The following DPP6 variants were observed in gnomAD, a reference collection of about 807,000 sequenced individuals.
The protein encoded by DPP6 is dipeptidyl peptidase like 6.
DPP6 carries 69 observed loss-of-function variants against 122.6 expected under a neutral mutation model. The ratio of observed to expected loss-of-function variants is 0.56; its 90% confidence interval spans 0.46 to 0.69. DPP6 has a LOEUF of 0.69. Ranked by LOEUF, DPP6 falls within the 30% of genes least tolerant of loss-of-function variation. The pLI is 0.00. For missense variants in DPP6, 928 were observed against 1,116.9 expected (o/e 0.83, Z 2.41); for synonymous variants, 418 against 433.1 (o/e 0.97, Z 0.43).
At chr7:154,779,038 CA>C (rs1796811699) in intron 10 of DPP6, among the ~76,000 whole-genome samples, 1 of 150,426 alleles carries the variant, frequency 6.6e-6, no homozygotes, top group Non-Finnish European at 1.5e-5. Context: ...CCACCACCAC[CA>C]CCACAACTAC....
chr7:154,509,720 C>G (rs1432003782), intron 3 of DPP6, among the ~76,000 whole-genome samples: 2 of 152,154 alleles, frequency 1.3e-5, no homozygotes, highest in Non-Finnish European at 2.9e-5. Flanking sequence ...GTGCAAACAA[C>G]CCAAATGTAC....
chr7:154,616,385 C>CA (rs1834257782), intron 5 of DPP6, among the ~76,000 whole-genome samples: 1 of 152,166 alleles, frequency 6.6e-6, no homozygotes, highest in African/African-American at 2.4e-5. Context: ...AAACAGCTCA[C>CA]AATTGTCCAT....
At chr7:154,650,606 C>T (rs1836813761) in intron 6 of DPP6, among the ~76,000 whole-genome samples, 1 of 152,148 alleles carries the variant, frequency 6.6e-6, no homozygotes, top group Admixed American at 6.5e-5. Context: ...GGAGAAGACA[C>T]AGTTGTTGAT....
At chr7:153,904,475 A>G (rs1799766118) in intron 1 of DPP6, among the ~76,000 whole-genome samples, 1 of 152,054 alleles carries the variant, frequency 6.6e-6, no homozygotes, top group Admixed American at 6.6e-5. Flanking sequence ...AATTCCTCCA[A>G]CTCTAATGAC....
At chr7:154,482,693 G>A (rs530267176) in intron 3 of DPP6, among the ~76,000 whole-genome samples, 2 of 152,250 alleles carry the variant, frequency 1.3e-5, no homozygotes, top group African/African-American at 4.8e-5. Context: ...CATCTTAATA[G>A]TATTTCACGA....
At chr7:154,819,251 C>T (rs982672991) in intron 16 of DPP6, among the ~76,000 whole-genome samples, 1 of 152,178 alleles carries the variant, frequency 6.6e-6, no homozygotes, top group Non-Finnish European at 1.5e-5. Context: ...CCTGTCTCTA[C>T]TAAAAATACA....
intron 3 of DPP6, among the ~76,000 whole-genome samples, chr7:154,511,873 T>C (rs1297774218): frequency 6.6e-6 from 1 of 152,250 alleles, no homozygotes; most frequent in Non-Finnish European, 1.5e-5. Context: ...TTTATCATGC[T>C]GTAAATGATC....
At chr7:154,086,975 T>C (rs980039982) in intron 1 of DPP6, among the ~76,000 whole-genome samples, 2 of 152,164 alleles carry the variant, frequency 1.3e-5, no homozygotes, top group Admixed American at 6.5e-5. Context: ...ATCTGAGGAC[T>C]GTTGTCAAAT....
the DPP6 span, among the ~76,000 whole-genome samples, chr7:153,769,403 T>TAGTGTTTCC: frequency 6.6e-6 from 1 of 152,196 alleles, no homozygotes; most frequent in South Asian, 2.1e-4. Flanking sequence ...TGTTAAACAG[T>TAGTGTTTCC]AGTGTTTCCA....
intron 1 of DPP6, among the ~76,000 whole-genome samples, chr7:154,141,183 C>G (rs571651456): frequency 2.6e-5 from 4 of 152,308 alleles, no homozygotes; most frequent in East Asian, 1.9e-4. Flanking sequence ...CAAGGATATT[C>G]AATTTTAGAA....
intron 8 of DPP6, among the ~76,000 whole-genome samples, chr7:154,768,439 G>A (rs888298301): frequency 2.6e-5 from 4 of 152,144 alleles, no homozygotes; most frequent in African/African-American, 7.2e-5. Context: ...CCTAATAATA[G>A]CGAGTTGAAT....
At chr7:154,710,632 A>G (rs1327978627) in intron 7 of DPP6, among the ~76,000 whole-genome samples, 2 of 152,248 alleles carry the variant, frequency 1.3e-5, no homozygotes, top group East Asian at 1.9e-4. Flanking sequence ...CTCACTTGCT[A>G]GCAGCCACTG....
At chr7:154,666,194 T>C (rs868194536) in intron 6 of DPP6, among the ~76,000 whole-genome samples, 18 of 119,026 alleles carry the variant, frequency 1.5e-4, no homozygotes, top group Admixed American at 1.0e-3. Context: ...TATATATATA[T>C]ATATATACAC....
intron 1 of DPP6, among the ~76,000 whole-genome samples, chr7:154,234,916 GCCTCCCTTCAGCCCCTCTT>G (rs1476382454): frequency 6.6e-6 from 1 of 152,138 alleles, no homozygotes; most frequent in African/African-American, 2.4e-5. Flanking sequence ...GGATCCCCGT[GCCTCCCTTCAGCCCCTCTT>G]CCAAAATCTT....
At chr7:153,761,749 G>A in the DPP6 span, among the ~76,000 whole-genome samples, 6 of 151,988 alleles carry the variant, frequency 3.9e-5, no homozygotes, top group Admixed American at 3.3e-4. Context: ...TTCAACCCAC[G>A]TTATCTATTA....
At chr7:154,432,634 T>A (rs562026740) in intron 1 of DPP6, among the ~76,000 whole-genome samples, 17 of 152,368 alleles carry the variant, frequency 1.1e-4, no homozygotes, top group African/African-American at 4.1e-4. Context: ...GATTTTATAA[T>A]GCATTGGGTT....
chr7:154,304,105 C>T lies in DPP6; in HGVS notation c.244-142109C>T, dbSNP rs115032068. Among the ~76,000 whole-genome samples, 222 of 152,220 alleles carry T rather than the reference C, an allele frequency of 1.5e-3. 1 individual carries two copies. The highest frequency in any genetic ancestry group is 4.8e-3 in the African/African-American group (199 of 41,532). ...AAGGACTTTATTATTGAGAGTTCCCCGTATATATAAATGGCTGAACTCTCA... is the reference window on the plus strand; with the variant it reads ...AAGGACTTTATTATTGAGAGTTCCCTGTATATATAAATGGCTGAACTCTCA... On this transcript the variant is annotated intron_variant, in intron 1 of 25. Transcript: ENST00000377770.
chr7:154,630,117 T>G (rs1357463769), intron 5 of DPP6, among the ~76,000 whole-genome samples: 1 of 152,206 alleles, frequency 6.6e-6, no homozygotes, highest in African/African-American at 2.4e-5. Flanking sequence ...ACCCAGCAAG[T>G]GAATAACAGG....
intron 1 of DPP6, among the ~76,000 whole-genome samples, chr7:154,286,264 G>A (rs1467209285): frequency 6.6e-6 from 1 of 152,080 alleles, no homozygotes; most frequent in African/African-American, 2.4e-5. Context: ...CAACAGCCCT[G>A]GGCAATTTCA....
Sources: gnomAD v4.1 joint callset for allele counts (sites outside exome capture counted in the v4.1 genomes callset) on GRCh38, gnomAD v4.1.1 for gene constraint, MANE v1.5 for transcripts, NCBI Gene and HGNC (gene_info 2026-07-23, HGNC 2026-07-21) for gene names.